Variants in USP32 observed in about 807,000 individuals in gnomAD.
USP32 encodes the protein ubiquitin carboxyl-terminal hydrolase 32.
USP32 carries 59 observed loss-of-function variants against 204.8 expected under a neutral mutation model. The ratio of observed to expected loss-of-function variants is 0.29; its 90% CI spans 0.23 to 0.36. The LOEUF (loss-of-function observed/expected upper bound fraction) is 0.36. USP32 is among the 10% of genes least tolerant of loss of function. The probability of loss-of-function intolerance (pLI) is 1.00; values close to 1 mark genes in which losing one functional copy is unlikely to be tolerated. For synonymous variants in USP32, 517 were observed against 678.4 expected, an observed-to-expected ratio of 0.76 and a Z score of 3.70; for missense variants, 1,160 against 1,946.4, an observed-to-expected ratio of 0.60 and a Z score of 7.60.
At chr17:60,256,821 A>C (rs1348652774) in intron 9 of USP32, 9 of 1,063,556 alleles carry the variant, frequency 8.5e-6, no homozygotes, top group Non-Finnish European at 1.1e-5. Context: ...TTATAGGTGA[A>C]TTCTGGATTG....
chr17:60,401,182 G>A (rs933092022), intron 1 of USP32, among the ~76,000 whole-genome samples: 1 of 150,980 alleles, frequency 6.6e-6, no homozygotes, highest in African/African-American at 2.4e-5. Flanking sequence ...AAGACCGGGC[G>A]CAATGGCTCA....
chr17:60,187,991 G>GT (rs2084292150), intron 29 of USP32, among the ~76,000 whole-genome samples: 2 of 151,422 alleles, frequency 1.3e-5, no homozygotes, highest in South Asian at 2.1e-4. Flanking sequence ...TTCTTTTTTT[G>GT]TTTTTTTGAG....
chr17:60,242,745 T>C (rs2085912596), intron 11 of USP32, among the ~76,000 whole-genome samples: 1 of 152,148 alleles, frequency 6.6e-6, no homozygotes, highest in African/African-American at 2.4e-5. Flanking sequence ...ATTTTACTGA[T>C]CTCTATGATT....
At chr17:60,305,722 CT>C (rs777870459) in intron 2 of USP32, among the ~76,000 whole-genome samples, 15 of 152,288 alleles carry the variant, frequency 9.8e-5, no homozygotes, top group Middle Eastern at 6.8e-3. Flanking sequence ...ATAATCCAGT[CT>C]CTTCACTTTT....
chr17:60,327,121 C>A (rs1218990633), intron 2 of USP32, among the ~76,000 whole-genome samples: 20 of 152,126 alleles, frequency 1.3e-4, no homozygotes, highest in Admixed American at 1.3e-3. Context: ...AGCTAGACGA[C>A]CAGATTTTTT....
chr17:60,382,036 C>T (rs964878452), intron 1 of USP32, among the ~76,000 whole-genome samples: 5 of 152,246 alleles, frequency 3.3e-5, no homozygotes, highest in African/African-American at 1.2e-4. Context: ...TGCATCTTCT[C>T]TGTGAAGCAA....
At chr17:60,252,040 T>C (rs919850335) in intron 11 of USP32, among the ~76,000 whole-genome samples, 1 of 152,072 alleles carries the variant, frequency 6.6e-6, no homozygotes, top group African/African-American at 2.4e-5. Context: ...ATAAATTATC[T>C]ATAAAATCTT....
At chr17:60,201,232 A>G (rs2084668032) in intron 26 of USP32, among the ~76,000 whole-genome samples, 1 of 152,158 alleles carries the variant, frequency 6.6e-6, no homozygotes, top group Non-Finnish European at 1.5e-5. Flanking sequence ...ATAACTACAA[A>G]TCCATTCATT....
At chr17:60,349,941 T>G (rs2088910104) in intron 1 of USP32, among the ~76,000 whole-genome samples, 1 of 150,950 alleles carries the variant, frequency 6.6e-6, no homozygotes, top group Non-Finnish European at 1.5e-5. Flanking sequence ...AAATAAAAAT[T>G]TAAGCAAGAC....
chr17:60,191,131 G>A (rs2084368519), intron 28 of USP32, among the ~76,000 whole-genome samples: 1 of 152,126 alleles, frequency 6.6e-6, no homozygotes, highest in African/African-American at 2.4e-5. Flanking sequence ...GCCGGGCATG[G>A]TGGCTCATGC....
At chr17:60,415,829 G>GT (rs963505192) in intron 1 of USP32, among the ~76,000 whole-genome samples, 293 of 151,888 alleles carry the variant, frequency 1.9e-3, no homozygotes, top group African/African-American at 6.4e-3. Context: ...GCTTGGTGGT[G>GT]TTTTTTTTGT....
chr17:60,218,208 C>T (rs2085153250), intron 16 of USP32, among the ~76,000 whole-genome samples: 2 of 151,914 alleles, frequency 1.3e-5, no homozygotes, highest in African/African-American at 4.8e-5. Flanking sequence ...CATGGTGAAA[C>T]CCCGTCTCTA....
chr17:60,278,170 C>A (rs1013351913), intron 5 of USP32, among the ~76,000 whole-genome samples: 1 of 152,040 alleles, frequency 6.6e-6, no homozygotes, highest in Non-Finnish European at 1.5e-5. Flanking sequence ...TTCCAAAGTG[C>A]TGGGATTACA....
intron 1 of USP32, among the ~76,000 whole-genome samples, chr17:60,361,897 C>G (rs1427300444): frequency 6.6e-6 from 1 of 152,062 alleles, no homozygotes; most frequent in African/African-American, 2.4e-5. Context: ...CCTCAATGCT[C>G]AATGTTAACA....
At position 60,345,592 on chromosome 17, in the gene USP32, T is replaced by G. The variant is rs755318172; in HGVS notation, c.75A>C (p.Leu25=). 27 of 1,614,072 alleles carry G rather than the reference T, an allele frequency of 1.7e-5. No homozygotes were observed. Among genetic ancestry groups the G allele is most frequent in the Non-Finnish European group, 2.1e-5 (25 of 1,180,020 alleles). The change falls in exon 2 of 34, where the codon CTA becomes CTC. Residue 25 remains leucine, a synonymous_variant. Transcript: ENST00000300896. ...TCTTGAAAGCATCCTTCAGTCGTTTTAGCTCTACATCTGTAACTGCAATTC... is the reference window on the plus strand; with the variant it reads ...TCTTGAAAGCATCCTTCAGTCGTTTGAGCTCTACATCTGTAACTGCAATTC... ...EALRRVTDVE[L]KRLKDAFKRT... is the part of the protein sequence containing the mutation.
intron 1 of USP32, among the ~76,000 whole-genome samples, chr17:60,419,373 G>A (rs2090087255): frequency 6.6e-6 from 1 of 152,158 alleles, no homozygotes; most frequent in African/African-American, 2.4e-5. Context: ...GAGAGTGGAG[G>A]GTGGGAGAAG....
At chr17:60,414,346 G>A (rs1214211513) in intron 1 of USP32, among the ~76,000 whole-genome samples, 1 of 151,304 alleles carries the variant, frequency 6.6e-6, no homozygotes, top group Non-Finnish European at 1.5e-5. Context: ...TTAGGTGACA[G>A]AGCAAGACAA....
intron 7 of USP32, among the ~76,000 whole-genome samples, chr17:60,267,724 T>C (rs543467242): frequency 1.4e-3 from 214 of 152,240 alleles, no homozygotes; most frequent in African/African-American, 4.9e-3. Context: ...TTTCACCATA[T>C]TGGCCAGGCT....
In USP32 at chr17:60,255,401, G is replaced by A. The variant is rs571522963; in HGVS notation, c.991-143C>T. The A allele has an allele frequency of 1.9e-4, 107 of 555,928 alleles. No homozygotes were observed. In the African/African-American group the frequency reaches 2.0e-3, roughly 10 times the overall value. 34.4% of individuals were successfully genotyped at this position (555,928 alleles called of 1,614,324 possible). A position where few individuals can be genotyped will look rare whatever the true frequency, so the allele number is the denominator to read the frequency against. On this transcript the variant is annotated intron_variant, in intron 9 of 33. Coordinates refer to ENST00000300896, the MANE Select transcript of USP32 (RefSeq NM_032582.4). Reference sequence around the variant, plus strand: ...AAACCTCGGCCTCCTGGGTGCAAGCGATTCTCCTGCCTCAGTCTCCCAAGT... The same window carrying A: ...AAACCTCGGCCTCCTGGGTGCAAGCAATTCTCCTGCCTCAGTCTCCCAAGT...
Sources: allele counts gnomAD v4.1 joint callset (sites outside exome capture counted in the v4.1 genomes callset), GRCh38; gene constraint gnomAD v4.1.1; transcripts MANE v1.5; gene names NCBI Gene and HGNC (gene_info 2026-07-23, HGNC 2026-07-21).